ZNF365: variants seen among roughly 807,000 people sequenced by gnomAD.
ZNF365 encodes protein ZNF365.
Under a neutral mutation model 35.0 loss-of-function variants are expected in ZNF365, and 22 were observed. The ratio of observed to expected loss-of-function variants is 0.63; its 90% CI spans 0.45 to 0.90. ZNF365 has a LOEUF of 0.90. ZNF365 is among the 40% of genes least tolerant of loss of function. The pLI is 0.00. For synonymous variants in ZNF365, 188 were observed against 196.2 expected (o/e 0.96, Z 0.35); for missense variants, 448 against 500.3 (o/e 0.90, Z 1.00).
intron 3 of ZNF365, among the ~76,000 whole-genome samples, chr10:62,410,463 C>G (rs904655895): frequency 1.3e-5 from 2 of 152,064 alleles, no homozygotes; most frequent in African/African-American, 4.8e-5. Flanking sequence ...CTGCACAGAT[C>G]AACCCATCAC....
At chr10:62,393,248 A>G (rs775754041) in intron 3 of ZNF365, among the ~76,000 whole-genome samples, 1 of 152,212 alleles carries the variant, frequency 6.6e-6, no homozygotes, top group Non-Finnish European at 1.5e-5. Context: ...TTTTTATAGA[A>G]CAGGTACAGT....
chr10:62,460,013 TC>T (rs1840821963), intron 4 of ZNF365, among the ~76,000 whole-genome samples: 1 of 152,204 alleles, frequency 6.6e-6, no homozygotes, highest in Non-Finnish European at 1.5e-5. Flanking sequence ...CTGTAGCTTT[TC>T]CCCCTATATA....
At chr10:62,466,481 C>A (rs1840945365) in intron 4 of ZNF365, among the ~76,000 whole-genome samples, 1 of 152,126 alleles carries the variant, frequency 6.6e-6, no homozygotes, top group African/African-American at 2.4e-5. Context: ...GGGCCAGTAG[C>A]ACGGGCCGAG....
chr10:62,452,293 T>A (rs187081717), intron 3 of ZNF365, among the ~76,000 whole-genome samples: 51 of 152,198 alleles, frequency 3.4e-4, no homozygotes, highest in African/African-American at 1.1e-3. Context: ...CCAGGCATGG[T>A]CAGAACAGAG....
At chr10:62,456,420 G>A (rs1840761765) in intron 3 of ZNF365, among the ~76,000 whole-genome samples, 1 of 151,986 alleles carries the variant, frequency 6.6e-6, no homozygotes, top group Non-Finnish European at 1.5e-5. Context: ...ATTATTTTGT[G>A]TACGCCACTC....
chr10:62,459,814 G>T (rs748911361), intron 4 of ZNF365: 10 of 1,600,044 alleles, frequency 6.2e-6, no homozygotes, highest in Admixed American at 3.4e-5. Flanking sequence ...CCACCACCTG[G>T]GTGGGTGGGT....
At chr10:62,462,484 C>T (rs1281936039) in intron 4 of ZNF365, among the ~76,000 whole-genome samples, 22 of 152,186 alleles carry the variant, frequency 1.4e-4, no homozygotes, top group Non-Finnish European at 1.2e-4. Flanking sequence ...GGTTTTCTCA[C>T]CTCCTAGAGA....
intron 2 of ZNF365, among the ~76,000 whole-genome samples, chr10:62,383,064 C>T (rs1208059866): frequency 6.6e-6 from 1 of 152,118 alleles, no homozygotes; most frequent in Non-Finnish European, 1.5e-5. Context: ...TTTTATGCCC[C>T]AGTACTTGTC....
chr10:62,456,044 G>A (rs1475844799), intron 3 of ZNF365, among the ~76,000 whole-genome samples: 1 of 152,206 alleles, frequency 6.6e-6, no homozygotes, highest in Non-Finnish European at 1.5e-5. Flanking sequence ...ACTTGCTGCG[G>A]TGATGGTGAT....
At chr10:62,395,399 A>G (rs565978081) in intron 3 of ZNF365, among the ~76,000 whole-genome samples, 2 of 148,180 alleles carry the variant, frequency 1.3e-5, no homozygotes, top group South Asian at 2.1e-4. Flanking sequence ...GTGCAATGGC[A>G]TGATCATGGC....
At position 62,399,937 on chromosome 10, in the gene ZNF365, G is replaced by C; in HGVS notation, c.*148G>C. The C allele has an allele frequency of 2.2e-6, 3 of 1,375,538 alleles. No homozygotes were observed. The South Asian group carries it at 6.1e-5, about 28-fold the overall frequency. The allele number at this position is 1,375,538 out of a possible 1,614,324, so 85.2% of individuals were successfully genotyped here. On this transcript the variant is annotated 3_prime_UTR_variant, in exon 5 of 5. Coordinates refer to ENST00000395254, the MANE Select transcript of ZNF365 (RefSeq NM_014951.3). ...CACAGGCAAGCACCTCAATTAACCA[G>C]AGCTTAGCAAATGGGAATCTTAGTG...
chr10:62,427,013 T>C (rs1840260237), intron 3 of ZNF365, among the ~76,000 whole-genome samples: 2 of 152,204 alleles, frequency 1.3e-5, no homozygotes, highest in African/African-American at 4.8e-5. Flanking sequence ...ACCACATATA[T>C]GACAATGGTC....
chr10:62,426,200 T>C (rs759069286), intron 3 of ZNF365, among the ~76,000 whole-genome samples: 58 of 152,122 alleles, frequency 3.8e-4, no homozygotes, highest in Admixed American at 7.9e-4. Context: ...TTCCTTTTGG[T>C]TGACTCATCT....
intron 3 of ZNF365, among the ~76,000 whole-genome samples, chr10:62,398,005 A>G (rs984099308): frequency 1.3e-5 from 2 of 152,238 alleles, no homozygotes; most frequent in African/African-American, 2.4e-5. Flanking sequence ...AGCAGTGTAC[A>G]TTATACCAAT....
intron 3 of ZNF365, among the ~76,000 whole-genome samples, chr10:62,434,755 C>A (rs1407330335): frequency 6.6e-6 from 1 of 152,196 alleles, no homozygotes; most frequent in African/African-American, 2.4e-5. Flanking sequence ...AAGCTCTGGG[C>A]AGCCTCCTTA....
exon 5 of ZNF365, chr10:62,480,178 A>C: frequency 8.5e-7 from 1 of 1,177,180 alleles, no homozygotes; most frequent in Non-Finnish European, 1.1e-6. Context: ...CATCATAGCA[A>C]GTAGAAGATG....
At chr10:62,447,204 G>C (rs957430347) in intron 3 of ZNF365, among the ~76,000 whole-genome samples, 1 of 152,086 alleles carries the variant, frequency 6.6e-6, no homozygotes, top group Non-Finnish European at 1.5e-5. Context: ...ATACATAATT[G>C]TACTAAAGAA....
chr10:62,388,975 G>C (rs1030032339), intron 3 of ZNF365, among the ~76,000 whole-genome samples: 2 of 152,156 alleles, frequency 1.3e-5, no homozygotes, highest in African/African-American at 4.8e-5. Context: ...AGTAAAGTAA[G>C]ATCAAACCAC....
chr10:62,421,343 C>G (rs1840164870), intron 3 of ZNF365, among the ~76,000 whole-genome samples: 1 of 152,140 alleles, frequency 6.6e-6, no homozygotes, highest in South Asian at 2.1e-4. Flanking sequence ...GGGCCATTTA[C>G]AAGGGTGAAT....
Sources: gnomAD v4.1 joint callset for allele counts (sites outside exome capture counted in the v4.1 genomes callset) on GRCh38, gnomAD v4.1.1 for gene constraint, MANE v1.5 for transcripts, NCBI Gene and HGNC (gene_info 2026-07-23, HGNC 2026-07-21) for gene names.